The following AGAP6 variants were observed in gnomAD, a reference collection of about 807,000 sequenced individuals.
AGAP6 encodes arf-GAP with GTPase, ANK repeat and PH domain-containing protein 6.
AGAP6 carries 29 observed loss-of-function variants against 63.9 expected under a neutral mutation model. The ratio of observed to expected loss-of-function variants is 0.45; its 90% confidence interval spans 0.34 to 0.62. AGAP6 has a LOEUF of 0.62. Among genes scored for constraint, AGAP6 ranks in the 20% least tolerant of loss-of-function variants. AGAP6 has a pLI of 0.01. For synonymous variants in AGAP6, 199 were observed against 332.9 expected, an observed-to-expected ratio of 0.60 and a Z score of 4.38; for missense variants, 493 against 884.9, an observed-to-expected ratio of 0.56 and a Z score of 5.62.
intron 6 of AGAP6, among the ~76,000 whole-genome samples, chr10:50,005,897 GTGACAGAGAGAGACTC>G (rs1262653403): frequency 6.8e-6 from 1 of 147,024 alleles, no homozygotes; most frequent in Non-Finnish European, 1.5e-5. Flanking sequence ...CCCAGCCTGG[GTGACAGAGAGAGACTC>G]TGTCTCAAAA....
At chr10:50,001,135 C>T (rs1443123448) in intron 4 of AGAP6, among the ~76,000 whole-genome samples, 5 of 151,010 alleles carry the variant, frequency 3.3e-5, no homozygotes, top group Non-Finnish European at 7.4e-5. Context: ...TCGAGACCAT[C>T]CTGGCTAACA....
At chr10:50,007,036 G>A (rs540750646) in intron 6 of AGAP6, among the ~76,000 whole-genome samples, 3 of 151,072 alleles carry the variant, frequency 2.0e-5, no homozygotes, top group Admixed American at 1.3e-4. Flanking sequence ...CAATGACTTT[G>A]TATTACTTTC....
chr10:49,991,863 A>G, intron 3 of AGAP6, 119 bp downstream of exon 3: 1 of 1,476,612 alleles, frequency 6.8e-7, no homozygotes, highest in Non-Finnish European at 9.1e-7. Flanking sequence ...TCACATGTTC[A>G]CTTGTCTTAT....
rs1454133783 is a variant in AGAP6 at position 50,009,362 on chromosome 10, AT to A, written c.1239del (p.Ile413MetfsTer46). On this transcript the variant is annotated frameshift_variant, in exon 8 of 8. Coordinates refer to ENST00000412531, the MANE Select transcript of AGAP6 (RefSeq NM_001077665.3). LOFTEE classifies it high-confidence loss of function. Reference sequence around the variant, plus strand: ...GAAGAAAAGCACCAACAACTTTATGATTGTGTCTGCCACTGGCCAAACGTGG... The same window carrying A: ...GAAGAAAAGCACCAACAACTTTATGATGTGTCTGCCACTGGCCAAACGTGG... ...LKKKSTNNFM[I>X]VSATGQTWHF... The A allele has an allele frequency of 6.2e-6, 10 of 1,614,078 alleles. No individual in the cohort carries two copies. Among genetic ancestry groups the A allele is most frequent in the Non-Finnish European group, 7.6e-6 (9 of 1,180,060 alleles).
At chr10:49,990,840 C>G (rs1191064125) in intron 2 of AGAP6, among the ~76,000 whole-genome samples, 40 of 152,046 alleles carry the variant, frequency 2.6e-4, no homozygotes, top group Non-Finnish European at 2.6e-4. Flanking sequence ...CTTCACATTT[C>G]AAGATATTTA....
Position 50,008,955 on chromosome 10 carries a change from G to T in AGAP6, c.830G>T (p.Gly277Val), listed in dbSNP as rs1158762768. The change falls in exon 8 of 8, where the codon GGG (glycine) becomes GTG (valine). Residue 277 changes from glycine (G) to valine (V), a missense_variant. Physicochemically the swap from Gly to Val is moderately radical, Grantham distance 109. Transcript: ENST00000412531. Reference sequence around the variant, plus strand: ...CCGGAGAATCATGCTGACACCATCGGGAGCGGTAGAGCCATCCCCATTAAA... The same window carrying T: ...CCGGAGAATCATGCTGACACCATCGTGAGCGGTAGAGCCATCCCCATTAAA... ...KAPENHADTI[G>V]SGRAIPIKQG... 3.7e-6 allele frequency: 6 copies of T among 1,613,942 alleles called. No individual in the cohort carries two copies. Among genetic ancestry groups the T allele is most frequent in the Non-Finnish European group, 4.2e-6 (5 of 1,179,902 alleles).
At chr10:49,997,174 T>A (rs2132133881) in intron 4 of AGAP6, among the ~76,000 whole-genome samples, 1 of 150,830 alleles carries the variant, frequency 6.6e-6, no homozygotes, top group Non-Finnish European at 1.5e-5. Context: ...CCTTGTTTAA[T>A]ATTTTCATTC....
intron 3 of AGAP6, among the ~76,000 whole-genome samples, chr10:49,992,627 G>A (rs1841324953): frequency 6.6e-6 from 1 of 152,184 alleles, no homozygotes; most frequent in South Asian, 2.1e-4. Flanking sequence ...TTTTCAGGCT[G>A]TACAAACATG....
intron 6 of AGAP6, among the ~76,000 whole-genome samples, chr10:50,004,933 G>C (rs1426297010): frequency 6.6e-6 from 1 of 152,156 alleles, no homozygotes; most frequent in African/African-American, 2.4e-5. Context: ...TGATTATATT[G>C]ATATTTAGTG....
At chr10:49,998,881 C>G (rs1554862528) in intron 4 of AGAP6, among the ~76,000 whole-genome samples, 1 of 139,146 alleles carries the variant, frequency 7.2e-6, no homozygotes, top group African/African-American at 2.8e-5. Context: ...GTGTCCATGA[C>G]TTCATTCAGC....
In AGAP6 at chr10:50,009,632, T is replaced by C; in HGVS notation, c.1507T>C (p.Ser503Pro). ...GGGAGTCCTCATGTGTATTGAATGC[T>C]CAGGTATCCACCGCAGTCTTGGCCC... Reference protein sequence around the residue: ...NLGVLMCIECSGIHRSLGPHL... With the variant: ...NLGVLMCIECPGIHRSLGPHL... The change falls in exon 8 of 8, where the codon TCA (serine) becomes CCA (proline). Residue 503 changes from serine (S) to proline (P), a missense_variant. By Grantham distance (74) the Ser-to-Pro change is moderately conservative. Coordinates refer to ENST00000412531, the MANE Select transcript of AGAP6 (RefSeq NM_001077665.3). The C allele has an allele frequency of 6.2e-7, 1 of 1,614,188 alleles. No individual in the cohort carries two copies. Among genetic ancestry groups the C allele is most frequent in the Non-Finnish European group, 8.5e-7 (1 of 1,180,026 alleles).
At position 50,010,465 on chromosome 10, in the gene AGAP6, A is replaced by G; in HGVS notation, c.*279A>G. 3 of 745,338 alleles carry G rather than the reference A, an allele frequency of 4.0e-6. No individual in the cohort carries two copies. Among genetic ancestry groups the G allele is most frequent in the Non-Finnish European group, 6.4e-6 (3 of 469,524 alleles). The allele number at this position is 745,338 out of a possible 1,614,324, so 46.2% of individuals were successfully genotyped here. A position where few individuals can be genotyped will look rare whatever the true frequency, so the allele number is the denominator to read the frequency against. On this transcript the variant is annotated 3_prime_UTR_variant, in exon 8 of 8. Coordinates refer to ENST00000412531, the MANE Select transcript of AGAP6 (RefSeq NM_001077665.3). The stretch of plus-strand genomic sequence containing the variant: ...ATGTATTTAGATAAAATGTGTGAAA[A>G]CATATTTGAAATAAAGTTCATAAAT...
intron 4 of AGAP6, among the ~76,000 whole-genome samples, chr10:49,995,584 T>C (rs1193957872): frequency 1.3e-5 from 2 of 152,212 alleles, no homozygotes; most frequent in Non-Finnish European, 2.9e-5. Flanking sequence ...CCTAGTTCAA[T>C]ATAGCGTGGG....
At chr10:49,995,367 G>A (rs1244021670) in intron 4 of AGAP6, among the ~76,000 whole-genome samples, 1 of 152,036 alleles carries the variant, frequency 6.6e-6, no homozygotes, top group African/African-American at 2.4e-5. Flanking sequence ...GTAGCCTCTG[G>A]GTGCTCTGTT....
rs1554862995 is a variant in AGAP6 at position 50,002,003 on chromosome 10, C to T, written c.404C>T (p.Ala135Val). The part of the protein sequence containing the change: ...RRSNCTNHVS[A>V]VRFSQQYSLC... ...AGTTCCCTTCCCCTTCAGGTATCTG[C>T]TGTGCGTTTCAGTCAACAATACAGC... Residue 135 changes from alanine to valine, a missense_variant, in exon 5 of 8, where the codon GCT becomes GTT. By Grantham distance (64) the Ala-to-Val change is moderately conservative. Transcript: ENST00000412531. 1.5e-5 allele frequency: 24 copies of T among 1,612,938 alleles called. No individual in the cohort carries two copies. Among genetic ancestry groups the T allele is most frequent in the Non-Finnish European group, 1.9e-5 (23 of 1,179,994 alleles).
At chr10:49,989,693 C>T (rs1173552408) in intron 2 of AGAP6, among the ~76,000 whole-genome samples, 1 of 152,014 alleles carries the variant, frequency 6.6e-6, no homozygotes, top group Non-Finnish European at 1.5e-5. Context: ...CTTTAAGTCA[C>T]CTTGATAGAA....
chr10:49,990,731 T>C (rs1165162991), intron 2 of AGAP6, among the ~76,000 whole-genome samples: 1 of 152,254 alleles, frequency 6.6e-6, no homozygotes, highest in African/African-American at 2.4e-5. Context: ...AAATGTCTTA[T>C]AGCTCTTCTA....
rs781796648 is a variant in AGAP6 at position 50,008,027 on chromosome 10, A to G, written c.536A>G (p.Asp179Gly). 6.2e-7 allele frequency: 1 copy of G among 1,611,960 alleles called. No homozygotes were observed. Among genetic ancestry groups the G allele is most frequent in the South Asian group, 1.1e-5 (1 of 90,988 alleles). ...LEIPHHITQRDADRTLSIPDE... is the reference protein window; with the variant it reads ...LEIPHHITQRGADRTLSIPDE... ...TAATGCGCTTTCTTATTTTATAGAG[A>G]TGCAGATAGAACTTTGAGCATACCT... The change falls in exon 7 of 8, where the codon GAT becomes GGT. Residue 179 changes from aspartate to glycine, a missense_variant and splice_region_variant. Asp to Gly is a moderately conservative substitution (Grantham distance 94). Transcript: ENST00000412531.
At chr10:49,990,917 T>C (rs1257053451) in intron 2 of AGAP6, among the ~76,000 whole-genome samples, 3 of 152,004 alleles carry the variant, frequency 2.0e-5, no homozygotes, top group Non-Finnish European at 2.9e-5. Context: ...ACACAAAGCA[T>C]GTAAGTACTT....
Sources: allele counts gnomAD v4.1 joint callset (sites outside exome capture counted in the v4.1 genomes callset), GRCh38; gene constraint gnomAD v4.1.1; transcripts MANE v1.5; gene names NCBI Gene and HGNC (gene_info 2026-07-23, HGNC 2026-07-21).